Variants in SNTG1 observed in about 807,000 individuals in gnomAD.
The protein encoded by SNTG1 is gamma-1-syntrophin.
In SNTG1, 39 loss-of-function variants were observed where a neutral mutation model predicts 74.7. That is an observed-to-expected ratio of 0.52 (90% CI 0.40 to 0.68). The LOEUF (loss-of-function observed/expected upper bound fraction) is 0.68. Among genes scored for constraint, SNTG1 ranks in the 30% least tolerant of loss-of-function variants. The pLI is 0.00. For synonymous variants in SNTG1, 254 were observed against 217.1 expected (o/e 1.17, Z -1.49); for missense variants, 685 against 609.5 (o/e 1.12, Z -1.30).
intron 3 of SNTG1, among the ~76,000 whole-genome samples, chr8:50,396,575 A>T (rs2092731396): frequency 6.6e-6 from 1 of 152,190 alleles, no homozygotes; most frequent in African/African-American, 2.4e-5. Context: ...AAACAAATTA[A>T]ATCGTATTTG....
At chr8:50,271,821 G>A (rs1169126766) in intron 2 of SNTG1, among the ~76,000 whole-genome samples, 1 of 152,182 alleles carries the variant, frequency 6.6e-6, no homozygotes, top group Non-Finnish European at 1.5e-5. Context: ...ATGAATGCCT[G>A]TGTTCCCATG....
At chr8:49,952,000 T>C (rs556804008) in intron 1 of SNTG1, among the ~76,000 whole-genome samples, 36 of 152,036 alleles carry the variant, frequency 2.4e-4, no homozygotes, top group African/African-American at 7.7e-4. Flanking sequence ...CTCTTTTGTT[T>C]GTTGTTATGA....
intron 2 of SNTG1, among the ~76,000 whole-genome samples, chr8:50,391,481 T>C (rs960815516): frequency 1.8e-4 from 28 of 152,208 alleles, no homozygotes; most frequent in African/African-American, 6.5e-4. Context: ...GCCAGCATTT[T>C]ATTGAGGATT....
At chr8:50,363,260 A>C (rs2092012485) in intron 2 of SNTG1, among the ~76,000 whole-genome samples, 1 of 152,154 alleles carries the variant, frequency 6.6e-6, no homozygotes, top group Non-Finnish European at 1.5e-5. Context: ...GAAAATAAAC[A>C]AGTATGATCC....
chr8:50,006,358 A>G (rs760791679), intron 1 of SNTG1, among the ~76,000 whole-genome samples: 1 of 152,054 alleles, frequency 6.6e-6, no homozygotes, highest in African/African-American at 2.4e-5. Flanking sequence ...ACTTTTTTTT[A>G]TGATGACTGC....
At chr8:50,269,801 T>C (rs2087681750) in intron 2 of SNTG1, among the ~76,000 whole-genome samples, 1 of 152,084 alleles carries the variant, frequency 6.6e-6, no homozygotes, top group Admixed American at 6.6e-5. Flanking sequence ...ATAAGACACA[T>C]ACAAATGACT....
intron 13 of SNTG1, among the ~76,000 whole-genome samples, chr8:50,597,386 T>TACAC (rs1563627939): frequency 1.0e-5 from 1 of 96,040 alleles, no homozygotes; most frequent in African/African-American, 1.6e-4. Flanking sequence ...TATACACATA[T>TACAC]ATACATATAT....
At chr8:50,474,887 C>T (rs765848243) in intron 8 of SNTG1, among the ~76,000 whole-genome samples, 1 of 152,072 alleles carries the variant, frequency 6.6e-6, no homozygotes, top group Admixed American at 6.5e-5. Flanking sequence ...CCATGGAATA[C>T]TATGCAGCCA....
chr8:50,285,021 T>C (rs2088686111), intron 2 of SNTG1, among the ~76,000 whole-genome samples: 1 of 152,148 alleles, frequency 6.6e-6, no homozygotes, highest in Admixed American at 6.6e-5. Flanking sequence ...ATTCTGTTTT[T>C]TATTATTTCA....
chr8:50,367,437 T>C (rs967895648), intron 2 of SNTG1, among the ~76,000 whole-genome samples: 2 of 152,150 alleles, frequency 1.3e-5, no homozygotes, highest in Admixed American at 6.6e-5. Context: ...ACAAAATATA[T>C]ACATTAGATT....
In SNTG1 at chr8:50,441,247, T is replaced by C. The variant is rs557232213; in HGVS notation, c.219+2648T>C. Among the ~76,000 whole-genome samples, 62 of 152,266 alleles carry C rather than the reference T, an allele frequency of 4.1e-4. 1 individual carries two copies. In the South Asian group the frequency reaches 0.013, roughly 31 times the overall value. On this transcript the variant is annotated intron_variant, in intron 5 of 18. Coordinates refer to ENST00000642720, the MANE Select transcript of SNTG1 (RefSeq NM_018967.5). ...CTTGATGTCTGCTGCTCATGTGCAATATTGCTGTCTCTCTCAAGCCCTGTC... is the reference window on the plus strand; with the variant it reads ...CTTGATGTCTGCTGCTCATGTGCAACATTGCTGTCTCTCTCAAGCCCTGTC...
At chr8:50,529,412 A>G (rs2094248310) in intron 9 of SNTG1, among the ~76,000 whole-genome samples, 1 of 152,002 alleles carries the variant, frequency 6.6e-6, no homozygotes, top group African/African-American at 2.4e-5. Flanking sequence ...CCTATGACCT[A>G]TGATGTTTGA....
chr8:50,071,815 T>A (rs1301627225), intron 1 of SNTG1, among the ~76,000 whole-genome samples: 8 of 145,372 alleles, frequency 5.5e-5, no homozygotes, highest in Admixed American at 6.8e-5. Flanking sequence ...ATACTAGTAC[T>A]AAAAAAAAAA....
intron 1 of SNTG1, among the ~76,000 whole-genome samples, chr8:50,066,634 C>T (rs1009747071): frequency 2.0e-5 from 3 of 152,120 alleles, no homozygotes; most frequent in African/African-American, 7.2e-5. Flanking sequence ...GAAGTAAAAA[C>T]ATGTGAGCTC....
At chr8:50,042,728 CTTT>C (rs1404618290) in intron 1 of SNTG1, among the ~76,000 whole-genome samples, 1 of 143,066 alleles carries the variant, frequency 7.0e-6, no homozygotes, top group Non-Finnish European at 1.5e-5. Flanking sequence ...GGCTAATTGA[CTTT>C]TTTTTTTTTT....
At chr8:50,008,661 T>C (rs1815480127) in intron 1 of SNTG1, among the ~76,000 whole-genome samples, 1 of 152,152 alleles carries the variant, frequency 6.6e-6, no homozygotes, top group African/African-American at 2.4e-5. Context: ...TCCATCAACC[T>C]GATAGTGGAT....
intron 18 of SNTG1, 42 bp downstream of exon 18, chr8:50,752,153 T>C (rs764249423): frequency 3.6e-6 from 4 of 1,097,194 alleles, no homozygotes; most frequent in Non-Finnish European, 5.0e-6. Context: ...CTAACTACAT[T>C]AATGCCATTA....
chr8:49,970,193 T>G (rs1811532075), intron 1 of SNTG1, among the ~76,000 whole-genome samples: 1 of 152,074 alleles, frequency 6.6e-6, no homozygotes, highest in Admixed American at 6.5e-5. Flanking sequence ...TGGCAAAATT[T>G]CACAGTGCCT....
At chr8:50,104,416 A>G (rs1169356822) in intron 1 of SNTG1, among the ~76,000 whole-genome samples, 2 of 152,014 alleles carry the variant, frequency 1.3e-5, no homozygotes, top group South Asian at 2.1e-4. Flanking sequence ...TATCCCCTTT[A>G]TCATTTTTTA....
Sources: allele counts gnomAD v4.1 joint callset (sites outside exome capture counted in the v4.1 genomes callset), GRCh38; gene constraint gnomAD v4.1.1; transcripts MANE v1.5; gene names NCBI Gene and HGNC (gene_info 2026-07-23, HGNC 2026-07-21).